The following FNIP2 variants were observed in gnomAD, a reference collection of about 807,000 sequenced individuals.
FNIP2 encodes the protein folliculin interacting protein 2, also known as folliculin-interacting protein 2.
Under a neutral mutation model 108.7 loss-of-function variants are expected in FNIP2, and 32 were observed. The observed-to-expected ratio is 0.29, with a 90% CI of 0.22 to 0.40. The LOEUF (loss-of-function observed/expected upper bound fraction) is 0.40, where lower values mean the gene tolerates loss of function less well. Ranked by LOEUF, FNIP2 falls within the 10% of genes least tolerant of loss-of-function variation. The probability of loss-of-function intolerance (pLI) is 1.00; values close to 1 mark genes in which losing one functional copy is unlikely to be tolerated. For synonymous variants in FNIP2, 480 were observed against 496.7 expected (o/e 0.97, Z 0.45); for missense variants, 1,202 against 1,381.6 (o/e 0.87, Z 2.06).
At chr4:158,773,396 A>G (rs1306914157) in intron 1 of FNIP2, among the ~76,000 whole-genome samples, 1 of 152,178 alleles carries the variant, frequency 6.6e-6, no homozygotes, top group Admixed American at 6.5e-5. Context: ...TGAGGAAGCC[A>G]TTGATTTAGC....
At chr4:158,812,906 C>G (rs1423780430) in intron 1 of FNIP2, among the ~76,000 whole-genome samples, 1 of 151,546 alleles carries the variant, frequency 6.6e-6, no homozygotes, top group Non-Finnish European at 1.5e-5. Flanking sequence ...CCCTCCCTCT[C>G]TAACCCCAGG....
At chr4:158,800,515 C>T (rs1185919867) in intron 1 of FNIP2, among the ~76,000 whole-genome samples, 1 of 152,016 alleles carries the variant, frequency 6.6e-6, no homozygotes, top group Non-Finnish European at 1.5e-5. Flanking sequence ...ATAAAGCTTG[C>T]AGAATTATTA....
chr4:158,790,370 T>A (rs1487500469), intron 1 of FNIP2, among the ~76,000 whole-genome samples: 5 of 151,962 alleles, frequency 3.3e-5, no homozygotes, highest in Non-Finnish European at 5.9e-5. Flanking sequence ...CCAGGTTAAC[T>A]TATAGCCATT....
intron 1 of FNIP2, among the ~76,000 whole-genome samples, chr4:158,784,269 A>C (rs1776144863): frequency 6.6e-6 from 1 of 152,186 alleles, no homozygotes. Context: ...CTTCTGTAGA[A>C]ATTCTGTTCC....
chr4:158,864,835 C>T (rs17296861), intron 12 of FNIP2, among the ~76,000 whole-genome samples: 7,407 of 152,084 alleles, frequency 0.049, 488 homozygotes, highest in African/African-American at 0.15. Flanking sequence ...TTTGGCTTCA[C>T]CCCAGTTCTC....
At chr4:158,859,324 T>C (rs534939425) in intron 9 of FNIP2, 66 bp downstream of exon 9, 4 of 1,478,478 alleles carry the variant, frequency 2.7e-6, no homozygotes, top group Non-Finnish European at 3.7e-6. Flanking sequence ...TGGCAGAATT[T>C]CTTTGCCGAT....
intron 8 of FNIP2, among the ~76,000 whole-genome samples, chr4:158,856,383 G>A (rs974387240): frequency 6.6e-6 from 1 of 152,148 alleles, no homozygotes; most frequent in Non-Finnish European, 1.5e-5. Flanking sequence ...TACTTAAATA[G>A]CCATTTTTGC....
At chr4:158,855,660 A>T (rs978820373) in intron 8 of FNIP2, among the ~76,000 whole-genome samples, 1 of 152,066 alleles carries the variant, frequency 6.6e-6, no homozygotes, top group Non-Finnish European at 1.5e-5. Flanking sequence ...GTTGGCCAGG[A>T]TGGTCTCGAT....
intron 14 of FNIP2, among the ~76,000 whole-genome samples, chr4:158,873,520 CTT>C (rs1210087132): frequency 2.0e-5 from 3 of 152,128 alleles, no homozygotes; most frequent in Non-Finnish European, 4.4e-5. Context: ...TAAATGTACA[CTT>C]TTATAACTGC....
Position 158,905,394 on chromosome 4 carries a change from C to G in FNIP2, c.*850C>G, listed in dbSNP as rs1729741561. 6.6e-6 allele frequency: 1 copy of G among 152,168 alleles called. No homozygotes were observed. The highest frequency in any genetic ancestry group is 2.4e-5 in the African/African-American group (1 of 41,440). The allele number at this position is 152,168 out of a possible 1,614,324, so 9.4% of individuals were successfully genotyped here. A position where few individuals can be genotyped will look rare whatever the true frequency, so the allele number is the denominator to read the frequency against. On this transcript the variant is annotated 3_prime_UTR_variant, in exon 17 of 17. Transcript: ENST00000264433. ...CTTACCAAAGTTATTTCTATAAGCT[C>G]AAGAGTGTTTCGGTTGGTAAGTTCT...
intron 16 of FNIP2, among the ~76,000 whole-genome samples, chr4:158,897,412 G>A (rs140028970): frequency 5.1e-3 from 769 of 152,252 alleles, no homozygotes; most frequent in African/African-American, 0.017. Context: ...TTGAGGAATC[G>A]CCACACTGTT....
At chr4:158,832,260 A>G in intron 5 of FNIP2, 122 bp downstream of exon 5, 1 of 741,184 alleles carries the variant, frequency 1.3e-6, no homozygotes, top group Non-Finnish European at 2.2e-6. Context: ...CAAATTAACA[A>G]AGGGGCTTTA....
At position 158,835,478 on chromosome 4, in the gene FNIP2, T is replaced by TA. The variant is rs1213243497; in HGVS notation, c.727+3dup. On this transcript the variant is annotated splice_region_variant and intron_variant, in intron 7 of 16. Transcript: ENST00000264433. ...GGGACAGTGGCATTGCTCGATCAGG[T>TA]ACTTGTACTCTGTTTATTGGTTTAA... The TA allele has an allele frequency of 1.9e-6, 3 of 1,611,268 alleles. No homozygotes were observed. In the African/African-American group the frequency reaches 4.0e-5, roughly 22 times the overall value.
At chr4:158,890,712 G>T (rs1782234807) in intron 14 of FNIP2, among the ~76,000 whole-genome samples, 1 of 152,154 alleles carries the variant, frequency 6.6e-6, no homozygotes, top group Admixed American at 6.6e-5. Context: ...AAGAATTAGG[G>T]TTCAAATAGG....
At chr4:158,796,447 G>A (rs1172036115) in intron 1 of FNIP2, among the ~76,000 whole-genome samples, 4 of 152,196 alleles carry the variant, frequency 2.6e-5, no homozygotes, top group Non-Finnish European at 5.9e-5. Flanking sequence ...CTATCTCAGA[G>A]TGTTTAATTG....
intron 1 of FNIP2, among the ~76,000 whole-genome samples, chr4:158,784,970 T>TA (rs1381024413): frequency 2.6e-5 from 4 of 152,220 alleles, no homozygotes; most frequent in Non-Finnish European, 5.9e-5. Context: ...AGCATAATAC[T>TA]AAGTACAGTA....
chr4:158,799,940 A>G (rs1244143416), intron 1 of FNIP2, among the ~76,000 whole-genome samples: 1 of 152,198 alleles, frequency 6.6e-6, no homozygotes, highest in Non-Finnish European at 1.5e-5. Context: ...CCCTGATTCT[A>G]GAAAGGTTGA....
chr4:158,830,248 C>CTTTTTTT (rs35746599), intron 3 of FNIP2, among the ~76,000 whole-genome samples: 1 of 64,010 alleles, frequency 1.6e-5, no homozygotes, highest in African/African-American at 6.0e-5. Flanking sequence ...ATTTATCTTT[C>CTTTTTTT]TTTTTTTTTT....
intron 7 of FNIP2, among the ~76,000 whole-genome samples, chr4:158,848,780 A>C (rs956131941): frequency 6.6e-6 from 1 of 152,222 alleles, no homozygotes; most frequent in Non-Finnish European, 1.5e-5. Flanking sequence ...AAATGGAAAT[A>C]ATTAAAAAGA....
Sources: allele counts gnomAD v4.1 joint callset (sites outside exome capture counted in the v4.1 genomes callset), GRCh38; gene constraint gnomAD v4.1.1; transcripts MANE v1.5; gene names NCBI Gene and HGNC (gene_info 2026-07-23, HGNC 2026-07-21).